The following COL6A6 variants were observed in gnomAD, a reference collection of about 807,000 sequenced individuals.
COL6A6 encodes the protein collagen alpha-6(VI) chain.
In COL6A6, 183 loss-of-function variants were observed where a neutral mutation model predicts 208.6. That is an observed-to-expected ratio of 0.88 (90% confidence interval 0.78 to 0.99). The LOEUF (loss-of-function observed/expected upper bound fraction) is 0.99. Among genes scored for constraint, COL6A6 ranks in the 50% least tolerant of loss-of-function variants. COL6A6 has a pLI of 0.00. For synonymous variants in COL6A6, 973 were observed against 1,011.8 expected, an observed-to-expected ratio of 0.96 and a Z score of 0.73; for missense variants, 2,816 against 2,815.2, an observed-to-expected ratio of 1.00 and a Z score of -0.01.
intron 19 of COL6A6, among the ~76,000 whole-genome samples, chr3:130,599,447 C>G (rs140126944): frequency 1.2e-3 from 179 of 151,134 alleles, no homozygotes; most frequent in Non-Finnish European, 1.9e-3. Context: ...CTTTAGTTAT[C>G]CACACTGTGG....
chr3:130,570,474 C>T (rs2063135887), intron 6 of COL6A6, among the ~76,000 whole-genome samples: 1 of 152,064 alleles, frequency 6.6e-6, no homozygotes, highest in Admixed American at 6.6e-5. Flanking sequence ...GTTGGATAAA[C>T]CACTTATACA....
chr3:130,532,720 T>A (rs1477200950), intron 1 of COL6A6, among the ~76,000 whole-genome samples: 1 of 152,228 alleles, frequency 6.6e-6, no homozygotes, highest in Non-Finnish European at 1.5e-5. Context: ...AGTAGTGGCC[T>A]AAAAACAATG....
chr3:130,519,598 T>C (rs1710949192), intron 1 of COL6A6, among the ~76,000 whole-genome samples: 1 of 152,194 alleles, frequency 6.6e-6, no homozygotes. Context: ...TTAGCTTTGC[T>C]CTCCAACAGG....
At chr3:130,533,515 A>G (rs1232083214) in intron 1 of COL6A6, among the ~76,000 whole-genome samples, 1 of 152,212 alleles carries the variant, frequency 6.6e-6, no homozygotes, top group Non-Finnish European at 1.5e-5. Context: ...TGTAATAACT[A>G]TTCCTTACCC....
intron 28 of COL6A6, among the ~76,000 whole-genome samples, chr3:130,639,102 C>T (rs1352434918): frequency 3.3e-5 from 5 of 152,140 alleles, no homozygotes; most frequent in Middle Eastern, 3.4e-3. Context: ...TCTGTTCTGT[C>T]GTCCAGCTTT....
In COL6A6 at chr3:130,634,052, TAAAA is replaced by T. The variant is rs34137705; in HGVS notation, c.4993-517_4993-514del. On this transcript the variant is annotated intron_variant, in intron 26 of 36. Transcript: ENST00000358511. ...ATGTACCCTAAAACTTAGAGTATAA[TAAAA>T]AAAAAAAAAAAAAAAAAAAATGCCA... Among the ~76,000 whole-genome samples, 4 of 27,756 alleles carry T rather than the reference TAAAA, an allele frequency of 1.4e-4. 1 individual carries two copies. Among genetic ancestry groups the T allele is most frequent in the South Asian group, 2.7e-3 (2 of 734 alleles). The allele number at this position is 27,756 out of a possible 152,430, so 18.2% of individuals were successfully genotyped here.
intron 35 of COL6A6, among the ~76,000 whole-genome samples, chr3:130,662,956 C>T (rs766901470): frequency 2.0e-5 from 3 of 152,118 alleles, no homozygotes; most frequent in Non-Finnish European, 1.5e-5. Flanking sequence ...ATTTTGAATG[C>T]AACAGGGTGG....
At position 130,675,407 on chromosome 3, in the gene COL6A6, T is replaced by A. The variant is rs1247090111; in HGVS notation, c.*10T>A. 1 of 1,559,484 alleles carries A rather than the reference T, an allele frequency of 6.4e-7. No homozygotes were observed. Among genetic ancestry groups the A allele is most frequent in the Non-Finnish European group, 8.7e-7 (1 of 1,153,278 alleles). ...CAAACAACATGATTAAAAAAATGCT[T>A]GAACAACTTAGCCTTAGGAAGCATG... On this transcript the variant is annotated 3_prime_UTR_variant, in exon 37 of 37. Transcript: ENST00000358511.
At chr3:130,555,267 C>T (rs55831521) in intron 1 of COL6A6, among the ~76,000 whole-genome samples, 95 of 152,292 alleles carry the variant, frequency 6.2e-4, no homozygotes, top group Non-Finnish European at 1.1e-3. Flanking sequence ...GAGCAAGTTG[C>T]TCCTCACCTG....
chr3:130,598,828 A>G lies in COL6A6; in HGVS notation c.4599+398A>G, dbSNP rs1193531617. 3.9e-5 allele frequency among the ~76,000 whole-genome samples: 6 copies of G among 152,204 alleles called. No homozygotes were observed. The East Asian group carries it at 1.2e-3, about 29-fold the overall frequency. The stretch of plus-strand genomic sequence containing the variant: ...AGTAGTACATTATAAAAAGAACAAG[A>G]TCTGGTAGATAGACGTGGTCCACAC... On this transcript the variant is annotated intron_variant, in intron 19 of 36. Coordinates refer to ENST00000358511, the MANE Select transcript of COL6A6 (RefSeq NM_001102608.3).
In COL6A6 at chr3:130,570,903, G is replaced by T; in HGVS notation, c.2487G>T (p.Lys829Asn). ...SIDYDEYNIM[K>N]DFMIGLVKKA... ...ACTATGATGAGTATAATATCATGAAGGATTTTATGATTGGCTTAGTGAAAA... is the reference window on the plus strand; with the variant it reads ...ACTATGATGAGTATAATATCATGAATGATTTTATGATTGGCTTAGTGAAAA... Residue 829 changes from lysine to asparagine, a missense_variant, in exon 7 of 37, where the codon AAG (lysine) becomes AAT (asparagine). By Grantham distance (94) the Lys-to-Asn change is moderately conservative. Coordinates refer to ENST00000358511, the MANE Select transcript of COL6A6 (RefSeq NM_001102608.3). 6.2e-7 allele frequency: 1 copy of T among 1,613,748 alleles called. No homozygotes were observed. Among genetic ancestry groups the T allele is most frequent in the Non-Finnish European group, 8.5e-7 (1 of 1,179,662 alleles).
rs1240906757 is a variant in COL6A6 at position 130,675,326 on chromosome 3, T to C, written c.6721T>C (p.Phe2241Leu). The change falls in exon 37 of 37, where the codon TTT (phenylalanine) becomes CTT (leucine). Residue 2241 changes from phenylalanine to leucine, a missense_variant. By Grantham distance (22) the Phe-to-Leu change is conservative (BLOSUM62 0). Coordinates refer to ENST00000358511, the MANE Select transcript of COL6A6 (RefSeq NM_001102608.3). ...RSGRDDAIQN[F>L]MRSTSHTFKN... is the part of the protein sequence containing the mutation. ...TGGCAGAGATGATGCTATTCAAAAT[T>C]TTATGAGAAGCACCTCCCATACCTT... is the stretch of plus-strand genomic sequence containing the variant. 3 of 1,600,278 alleles carry C rather than the reference T, an allele frequency of 1.9e-6. No homozygotes were observed. In the East Asian group the frequency reaches 6.7e-5, roughly 36 times the overall value.
chr3:130,523,612 T>A (rs1711212184), intron 1 of COL6A6, among the ~76,000 whole-genome samples: 1 of 152,116 alleles, frequency 6.6e-6, no homozygotes, highest in Non-Finnish European at 1.5e-5. Flanking sequence ...GCTCAATACA[T>A]AGAAGTTATT....
intron 32 of COL6A6, among the ~76,000 whole-genome samples, chr3:130,645,801 A>G (rs1340830327): frequency 1.3e-5 from 2 of 152,218 alleles, no homozygotes; most frequent in African/African-American, 2.4e-5. Flanking sequence ...GTTTTCAGGT[A>G]TCTTACAAAT....
At position 130,661,898 on chromosome 3, in the gene COL6A6, C is replaced by T; in HGVS notation, c.6092C>T (p.Ala2031Val). The change falls in exon 35 of 37, where the codon GCT becomes GTT. Residue 2031 changes from alanine (A) to valine (V), a missense_variant. Physicochemically the swap from Ala to Val is moderately conservative, Grantham distance 64 (BLOSUM62 0). Transcript: ENST00000358511. ...LPNTQKSPVR[A>V]EFNLTTYRSK... The stretch of plus-strand genomic sequence containing the variant: ...AACACTCAGAAGAGTCCAGTTAGAG[C>T]TGAGTTCAATCTTACCACCTACAGA... 1 of 1,613,978 alleles carries T rather than the reference C, an allele frequency of 6.2e-7. No individual in the cohort carries two copies. The highest frequency in any genetic ancestry group is 8.5e-7 in the Non-Finnish European group (1 of 1,179,876).
At chr3:130,523,660 C>T (rs1323703178) in intron 1 of COL6A6, among the ~76,000 whole-genome samples, 1 of 152,158 alleles carries the variant, frequency 6.6e-6, no homozygotes, top group Non-Finnish European at 1.5e-5. Flanking sequence ...TGCCTTGCCT[C>T]ATGATGTTTT....
rs185050943 is a variant in COL6A6, at chr3:130,603,156, C to G, written c.4653+3346C>G. Reference sequence around the variant, plus strand: ...TACTAGAAATAAACTCAACTACAAGCTTAACTAAGACCATCTTTCCTGTCA... The same window carrying G: ...TACTAGAAATAAACTCAACTACAAGGTTAACTAAGACCATCTTTCCTGTCA... On this transcript the variant is annotated intron_variant, in intron 20 of 36. Coordinates refer to ENST00000358511, the MANE Select transcript of COL6A6 (RefSeq NM_001102608.3). Among the ~76,000 whole-genome samples the G allele has an allele frequency of 1.1e-3, 175 of 152,318 alleles. 1 individual carries two copies. Among genetic ancestry groups the G allele is most frequent in the South Asian group, 8.5e-3 (41 of 4,822 alleles).
At chr3:130,587,104 G>A (rs2063559754) in intron 11 of COL6A6, among the ~76,000 whole-genome samples, 1 of 152,148 alleles carries the variant, frequency 6.6e-6, no homozygotes, top group Admixed American at 6.5e-5. Context: ...CCTGGGATAA[G>A]GCCTGTAAAT....
intron 24 of COL6A6, among the ~76,000 whole-genome samples, chr3:130,622,640 G>A (rs1394300651): frequency 1.3e-5 from 2 of 151,686 alleles, no homozygotes; most frequent in Admixed American, 6.6e-5. Context: ...GGCAGATCAC[G>A]AGGTCAGGAG....
Sources: allele counts gnomAD v4.1 joint callset (sites outside exome capture counted in the v4.1 genomes callset), GRCh38; gene constraint gnomAD v4.1.1; transcripts MANE v1.5; gene names NCBI Gene and HGNC (gene_info 2026-07-23, HGNC 2026-07-21).